The following GOLGA4 variants were observed in gnomAD, a reference collection of about 807,000 sequenced individuals.
GOLGA4 encodes golgin subfamily A member 4.
Under a neutral mutation model 265.9 loss-of-function variants are expected in GOLGA4, and 169 were observed. The observed-to-expected ratio is 0.64, with a 90% confidence interval of 0.56 to 0.72. The LOEUF is 0.72. Ranked by LOEUF, GOLGA4 falls within the 30% of genes least tolerant of loss-of-function variation. The pLI is 0.00. For missense variants in GOLGA4, 2,482 were observed against 2,483.4 expected, an observed-to-expected ratio of 1.00 and a Z score of 0.01; for synonymous variants, 923 against 855.8, an observed-to-expected ratio of 1.08 and a Z score of -1.37.
At chr3:37,273,502 C>T (rs1482442724) in intron 2 of GOLGA4, 2 of 1,258,670 alleles carry the variant, frequency 1.6e-6, no homozygotes, top group East Asian at 2.5e-5. Context: ...GTTTTTTGTT[C>T]TTTTGCTTTA....
intron 22 of GOLGA4, among the ~76,000 whole-genome samples, chr3:37,359,195 T>C (rs956524889): frequency 6.6e-6 from 1 of 152,120 alleles, no homozygotes; most frequent in Non-Finnish European, 1.5e-5. Context: ...ATGGCCAGAG[T>C]AGACTGGATA....
chr3:37,246,483 C>CT (rs1026293203), intron 1 of GOLGA4, among the ~76,000 whole-genome samples: 4 of 152,248 alleles, frequency 2.6e-5, no homozygotes. Context: ...TTTTCAAGTA[C>CT]TTCTAAAACT....
At chr3:37,291,793 G>A (rs2096865333) in intron 5 of GOLGA4, among the ~76,000 whole-genome samples, 1 of 152,062 alleles carries the variant, frequency 6.6e-6, no homozygotes. Context: ...TAACTTTCCT[G>A]CCTAAATCCA....
At position 37,258,017 on chromosome 3, in the gene GOLGA4, ATATG is replaced by A. The variant is rs1293353182; in HGVS notation, c.162+6541_162+6544del. Among the ~76,000 whole-genome samples the A allele has an allele frequency of 3.4e-3, 205 of 59,906 alleles. 29 individuals carry two copies. The highest frequency in any genetic ancestry group is 0.013 in the African/African-American group (196 of 14,906). 39.3% of individuals were successfully genotyped at this position (59,906 alleles called of 152,430 possible). On this transcript the variant is annotated intron_variant, in intron 2 of 23. Coordinates refer to ENST00000361924, the MANE Select transcript of GOLGA4 (RefSeq NM_002078.5). ...TATATGTATATATACATACATATAT[ATATG>A]TATGTATATATGTATATATACATAC...
intron 9 of GOLGA4, among the ~76,000 whole-genome samples, chr3:37,299,754 A>T (rs2150860895): frequency 6.6e-6 from 1 of 152,294 alleles, no homozygotes; most frequent in African/African-American, 2.4e-5. Context: ...AAGTTGCCTA[A>T]CAAATAAATA....
intron 22 of GOLGA4, 123 bp downstream of exon 22, chr3:37,355,310 C>A: frequency 1.7e-6 from 1 of 603,584 alleles, no homozygotes; most frequent in Non-Finnish European, 3.0e-6. Context: ...TATTATATCA[C>A]AGCCTGAAAA....
chr3:37,293,730 G>A lies in GOLGA4; in HGVS notation c.583-1249G>A, dbSNP rs1227557677. Among the ~76,000 whole-genome samples the A allele has an allele frequency of 3.3e-5, 5 of 152,204 alleles. No homozygotes were observed. In the South Asian group the frequency reaches 6.2e-4, roughly 19 times the overall value. On this transcript the variant is annotated intron_variant, in intron 5 of 23. Transcript: ENST00000361924. ...AGAGGAAACTGTAATTGACAGGAGTGTAGCCAGGAGCCCTAAAGCCATGGT... is the reference window on the plus strand; with the variant it reads ...AGAGGAAACTGTAATTGACAGGAGTATAGCCAGGAGCCCTAAAGCCATGGT...
chr3:37,328,616 G>T (rs2096980037), intron 15 of GOLGA4, 79 bp downstream of exon 15: 2 of 1,285,780 alleles, frequency 1.6e-6, no homozygotes, highest in South Asian at 1.4e-5. Flanking sequence ...TGCAGTGGTG[G>T]TAAGTGCATT....
At chr3:37,317,221 G>A (rs571907694) in intron 11 of GOLGA4, among the ~76,000 whole-genome samples, 2 of 152,212 alleles carry the variant, frequency 1.3e-5, no homozygotes, top group South Asian at 4.2e-4. Context: ...CCAGGCTGGA[G>A]TGCAATCTTG....
chr3:37,296,249 T>C (rs1325055829), intron 7 of GOLGA4, 30 bp downstream of exon 7: 12 of 1,610,590 alleles, frequency 7.5e-6, no homozygotes, highest in Non-Finnish European at 1.0e-5. Context: ...AAGGTTAATT[T>C]AAAAACTAGA....
chr3:37,292,034 G>A (rs2096865946), intron 5 of GOLGA4, among the ~76,000 whole-genome samples: 1 of 152,176 alleles, frequency 6.6e-6, no homozygotes, highest in African/African-American at 2.4e-5. Context: ...ATAGTGTATA[G>A]GTAGCCGGGA....
At position 37,366,679 on chromosome 3, in the gene GOLGA4, G is replaced by T. The variant is rs1163581786; in HGVS notation, c.*633G>T. On this transcript the variant is annotated 3_prime_UTR_variant, in exon 24 of 24. Coordinates refer to ENST00000361924, the MANE Select transcript of GOLGA4 (RefSeq NM_002078.5). ...TGAATAGCCAATACATAACTGTATTGTATGCAAATCTGTGATTGTTGGCAG... is the reference window on the plus strand; with the variant it reads ...TGAATAGCCAATACATAACTGTATTTTATGCAAATCTGTGATTGTTGGCAG... 1 of 152,590 alleles carries T rather than the reference G, an allele frequency of 6.6e-6. No homozygotes were observed. Among genetic ancestry groups the T allele is most frequent in the Non-Finnish European group, 1.5e-5 (1 of 68,028 alleles). 9.5% of individuals were successfully genotyped at this position (152,590 alleles called of 1,614,324 possible). A position where few individuals can be genotyped will look rare whatever the true frequency, so the allele number is the denominator to read the frequency against.
At chr3:37,296,485 C>T (rs907878272) in intron 7 of GOLGA4, among the ~76,000 whole-genome samples, 1 of 152,064 alleles carries the variant, frequency 6.6e-6, no homozygotes, top group Non-Finnish European at 1.5e-5. Context: ...TAGAAGTGTC[C>T]GTGGTCCTAA....
intron 2 of GOLGA4, among the ~76,000 whole-genome samples, chr3:37,261,124 C>G (rs1399909102): frequency 6.6e-6 from 1 of 151,616 alleles, no homozygotes; most frequent in Non-Finnish European, 1.5e-5. Context: ...TGAGCCATGA[C>G]TGCGCCACCG....
At chr3:37,329,235 T>G (rs1433925898) in intron 16 of GOLGA4, 142 bp downstream of exon 16, 1 of 573,676 alleles carries the variant, frequency 1.7e-6, no homozygotes, top group Admixed American at 3.7e-5. Context: ...AAATTAGTAC[T>G]GTTATATGCA....
Position 37,281,639 on chromosome 3 carries a change from C to T in GOLGA4, c.163-319C>T, listed in dbSNP as rs903743955. Among the ~76,000 whole-genome samples the T allele has an allele frequency of 3.9e-5, 6 of 152,176 alleles. No homozygotes were observed. In the East Asian group the frequency reaches 5.8e-4, roughly 15 times the overall value. Reference sequence around the variant, plus strand: ...GTTTAGTGGATGAATCCTCACAATACACCTGTGAGGTCGGCTGGGAAAGTA... The same window carrying T: ...GTTTAGTGGATGAATCCTCACAATATACCTGTGAGGTCGGCTGGGAAAGTA... On this transcript the variant is annotated intron_variant, in intron 2 of 23. Transcript: ENST00000361924.
intron 10 of GOLGA4, among the ~76,000 whole-genome samples, chr3:37,308,284 A>AT (rs2096912991): frequency 6.6e-6 from 1 of 151,624 alleles, no homozygotes; most frequent in East Asian, 1.9e-4. Context: ...AAATTGGTAA[A>AT]TTTTTTGAAA....
chr3:37,293,759 C>T (rs148888637), intron 5 of GOLGA4, among the ~76,000 whole-genome samples: 264 of 152,272 alleles, frequency 1.7e-3, no homozygotes, highest in African/African-American at 6.0e-3. Context: ...CCATGGTCAG[C>T]AGGTATAGCT....
At position 37,275,795 on chromosome 3, in the gene GOLGA4, C is replaced by T. The variant is rs539917589; in HGVS notation, c.163-6163C>T. The T allele has an allele frequency of 3.7e-6, 6 of 1,613,630 alleles. No individual in the cohort carries two copies. In the South Asian group the frequency reaches 6.6e-5, roughly 18 times the overall value. Reference sequence around the variant, plus strand: ...TTTGCTAAAGGAGCTTAAGAATATTCCTATGACCCTGGAATTACTGCAGTC... The same window carrying T: ...TTTGCTAAAGGAGCTTAAGAATATTTCTATGACCCTGGAATTACTGCAGTC... On this transcript the variant is annotated intron_variant, in intron 2 of 23. Transcript: ENST00000361924.
Sources: allele counts gnomAD v4.1 joint callset (sites outside exome capture counted in the v4.1 genomes callset), GRCh38; gene constraint gnomAD v4.1.1; transcripts MANE v1.5; gene names NCBI Gene and HGNC (gene_info 2026-07-23, HGNC 2026-07-21).